Variants in NCOA1 observed in about 807,000 individuals in gnomAD.
NCOA1 encodes the protein Hin-2 protein.
NCOA1 carries 35 observed loss-of-function variants against 150.9 expected under a neutral mutation model. That is an observed-to-expected ratio of 0.23 (90% CI 0.18 to 0.31). NCOA1 has a LOEUF of 0.31. Ranked by LOEUF, NCOA1 falls within the 10% of genes least tolerant of loss-of-function variation. The probability of loss-of-function intolerance (pLI) is 1.00; values close to 1 mark genes in which losing one functional copy is unlikely to be tolerated. For missense variants in NCOA1, 1,491 were observed against 1,749.3 expected (o/e 0.85, Z 2.63); for synonymous variants, 590 against 630.0 (o/e 0.94, Z 0.95).
chr2:24,683,878 A>G (rs957256614), intron 8 of NCOA1, among the ~76,000 whole-genome samples: 3 of 152,216 alleles, frequency 2.0e-5, no homozygotes, highest in African/African-American at 7.2e-5. Flanking sequence ...GAAAGTTTTC[A>G]TATTACATTT....
chr2:24,707,864 A>T lies in NCOA1; in HGVS notation c.2394A>T (p.Glu798Asp), dbSNP rs761384278. ...PTPMTKPTPE[E>D]IKLEAQSQFT... ...CAATGACCAAACCCACTCCTGAGGA[A>T]ATAAAACTGGAGGCCCAGAGCCAGG... Residue 798 changes from glutamate to aspartate, a missense_variant, in exon 13 of 23, where the codon GAA (glutamate) becomes GAT (aspartate). Glu to Asp is a conservative substitution (Grantham distance 45). This residue lies in a region of NCOA1 where 703 missense variants were observed against 717.7 expected (regional missense o/e 0.98). Transcript: ENST00000348332. The T allele has an allele frequency of 6.3e-7, 1 of 1,594,582 alleles. No individual in the cohort carries two copies. Among genetic ancestry groups the T allele is most frequent in the Non-Finnish European group, 8.5e-7 (1 of 1,174,122 alleles).
intron 13 of NCOA1, among the ~76,000 whole-genome samples, chr2:24,710,094 T>C (rs1673661813): frequency 6.6e-6 from 1 of 151,510 alleles, no homozygotes; most frequent in Non-Finnish European, 1.5e-5. Flanking sequence ...ATTTTATTTA[T>C]TTATTTATTT....
intron 21 of NCOA1, among the ~76,000 whole-genome samples, chr2:24,760,136 T>C (rs1041254308): frequency 1.3e-5 from 2 of 150,134 alleles, no homozygotes; most frequent in African/African-American, 4.9e-5. Context: ...TTTAACTTTT[T>C]TTTTTTCTTT....
At chr2:24,742,304 G>A (rs982211364) in intron 19 of NCOA1, 118 bp downstream of exon 19, 28 of 1,227,542 alleles carry the variant, frequency 2.3e-5, no homozygotes, top group African/African-American at 4.6e-5. Context: ...AGACACTGAC[G>A]TGGGAGTCTG....
At chr2:24,500,904 AT>A (rs1386782077) in intron 1 of NCOA1, among the ~76,000 whole-genome samples, 3 of 152,096 alleles carry the variant, frequency 2.0e-5, no homozygotes, top group African/African-American at 4.8e-5. Context: ...GATATTTAGA[AT>A]TTTTCCTGTT....
chr2:24,726,534 C>A, intron 14 of NCOA1, 55 bp from the exon 15 acceptor site: 6 of 1,047,360 alleles, frequency 5.7e-6, no homozygotes, highest in Non-Finnish European at 7.0e-6. Flanking sequence ...TTGAAAATAC[C>A]ATCATTTTAT....
intron 14 of NCOA1, among the ~76,000 whole-genome samples, chr2:24,719,928 A>G (rs2148622396): frequency 6.6e-6 from 1 of 152,236 alleles, no homozygotes; most frequent in East Asian, 1.9e-4. Flanking sequence ...AAAAGAAAGT[A>G]TGGCACAAGA....
intron 2 of NCOA1, among the ~76,000 whole-genome samples, chr2:24,580,146 T>C (rs1674120025): frequency 6.6e-6 from 1 of 152,242 alleles, no homozygotes; most frequent in African/African-American, 2.4e-5. Flanking sequence ...ATCATTTCTC[T>C]CTTACTGTTT....
At position 24,767,963 on chromosome 2, in the gene NCOA1, T is replaced by C. The variant is rs1054234841; in HGVS notation, c.4156-258T>C. On this transcript the variant is annotated intron_variant, in intron 22 of 22. Coordinates refer to ENST00000348332, the MANE Select transcript of NCOA1 (RefSeq NM_003743.5). ...GCAACATTAGCAATGATACTCACTT[T>C]CAGTATTGATGGCAACCCTATAGGA... 3.3e-5 allele frequency: 31 copies of C among 951,696 alleles called. 1 individual carries two copies. In the South Asian group the frequency reaches 4.5e-4, roughly 14 times the overall value. 59.0% of individuals were successfully genotyped at this position (951,696 alleles called of 1,614,324 possible).
rs577083165 is a variant in NCOA1, at chr2:24,674,786, T to C, written c.354+1323T>C. 1.5e-4 allele frequency among the ~76,000 whole-genome samples: 23 copies of C among 152,264 alleles called. No individual in the cohort carries two copies. The South Asian group carries it at 4.8e-3, about 32-fold the overall frequency. On this transcript the variant is annotated intron_variant, in intron 7 of 22. Transcript: ENST00000348332. ...TTAAGCTCATTTCCTCCCTTTGCTGTCTAAAATTCCTCTGCCTGCTGGTCA... is the reference window on the plus strand; with the variant it reads ...TTAAGCTCATTTCCTCCCTTTGCTGCCTAAAATTCCTCTGCCTGCTGGTCA...
intron 7 of NCOA1, among the ~76,000 whole-genome samples, chr2:24,674,592 G>A (rs1180969593): frequency 6.6e-6 from 1 of 151,848 alleles, no homozygotes; most frequent in Non-Finnish European, 1.5e-5. Context: ...CTAATGAGAG[G>A]GTAATATTAT....
intron 1 of NCOA1, among the ~76,000 whole-genome samples, chr2:24,509,325 T>C (rs1463833957): frequency 2.0e-5 from 3 of 152,246 alleles, no homozygotes; most frequent in African/African-American, 2.4e-5. Context: ...ACTCCAGTCT[T>C]GTGCTCATAA....
chr2:24,624,241 CATATT>C (rs1669302722), intron 3 of NCOA1, among the ~76,000 whole-genome samples: 2 of 152,084 alleles, frequency 1.3e-5, no homozygotes, highest in Admixed American at 6.5e-5. Context: ...ATTGGTAACT[CATATT>C]AATTAAACCT....
At chr2:24,544,570 C>A (rs1665531734) in intron 1 of NCOA1, among the ~76,000 whole-genome samples, 1 of 152,018 alleles carries the variant, frequency 6.6e-6, no homozygotes, top group Non-Finnish European at 1.5e-5. Flanking sequence ...AGCAAAACCT[C>A]ATTTCTACAA....
intron 3 of NCOA1, among the ~76,000 whole-genome samples, chr2:24,640,078 C>T (rs1471191076): frequency 6.6e-6 from 1 of 151,194 alleles, no homozygotes; most frequent in Non-Finnish European, 1.5e-5. Flanking sequence ...TTTCTTCTTT[C>T]ACTGTAGGTC....
At position 24,526,187 on chromosome 2, in the gene NCOA1, AG is replaced by A. The variant is rs550305495; in HGVS notation, c.-396+34586del. 1.5e-3 allele frequency among the ~76,000 whole-genome samples: 223 copies of A among 152,250 alleles called. 4 individuals are homozygous for A. Among genetic ancestry groups the A allele is most frequent in the South Asian group, 8.3e-4 (4 of 4,818 alleles). On this transcript the variant is annotated intron_variant, in intron 1 of 22. Coordinates refer to ENST00000348332, the MANE Select transcript of NCOA1 (RefSeq NM_003743.5). Reference sequence around the variant, plus strand: ...ATTTCAAAACCTCATGTAATGGGTAAGATGTGGTTCTAGTGGTTCAGATTAG... The same window carrying A: ...ATTTCAAAACCTCATGTAATGGGTAAATGTGGTTCTAGTGGTTCAGATTAG...
chr2:24,728,330 G>A lies in NCOA1; in HGVS notation c.2740G>A (p.Asp914Asn). 1.9e-6 allele frequency: 3 copies of A among 1,612,376 alleles called. No homozygotes were observed. The highest frequency in any genetic ancestry group is 2.5e-6 in the Non-Finnish European group (3 of 1,179,240). ...CAGCCAGTGTATTAGCTCACAATTA[G>A]ATGAGCTTCTCTGTCCACCCACAAC... The part of the protein sequence containing the change: ...SEDQCISSQL[D>N]ELLCPPTTVE... Residue 914 changes from aspartate (D) to asparagine (N), a missense_variant, in exon 16 of 23, where the codon GAT becomes AAT. Around this residue, in one of 8 missense-constraint regions of NCOA1, gnomAD observed 703 missense variants for 717.7 expected, o/e 0.98. Transcript: ENST00000348332.
chr2:24,593,398 A>T (rs1667738946), intron 3 of NCOA1, among the ~76,000 whole-genome samples: 1 of 152,056 alleles, frequency 6.6e-6, no homozygotes, highest in Non-Finnish European at 1.5e-5. Context: ...AAGGAGCATG[A>T]TGGGAATTTG....
At chr2:24,635,897 A>G (rs959911947) in intron 3 of NCOA1, among the ~76,000 whole-genome samples, 2 of 152,202 alleles carry the variant, frequency 1.3e-5, no homozygotes, top group African/African-American at 4.8e-5. Flanking sequence ...TGAAAATATA[A>G]AAAGCATTTA....
Sources: gnomAD v4.1 joint callset for allele counts (sites outside exome capture counted in the v4.1 genomes callset) on GRCh38, gnomAD v4.1.1 for gene constraint, gnomAD v4.1.1 regional missense constraint, MANE v1.5 for transcripts, NCBI Gene and HGNC (gene_info 2026-07-23, HGNC 2026-07-21) for gene names.